UNC13C: variants seen among roughly 807,000 people sequenced by gnomAD.
UNC13C encodes unc-13 homolog C, also known as protein unc-13 homolog C.
UNC13C carries 174 observed loss-of-function variants against 245.4 expected under a neutral mutation model. That is an observed-to-expected ratio of 0.71 (90% CI 0.63 to 0.80). UNC13C has a LOEUF of 0.80. Ranked by LOEUF, UNC13C falls within the 30% of genes least tolerant of loss-of-function variation. UNC13C has a pLI of 0.00. For synonymous variants in UNC13C, 992 were observed against 895.1 expected (o/e 1.11, Z -1.93); for missense variants, 2,829 against 2,602.9 (o/e 1.09, Z -1.89).
At chr15:54,282,430 T>C (rs1477892667) in intron 10 of UNC13C, among the ~76,000 whole-genome samples, 1 of 152,104 alleles carries the variant, frequency 6.6e-6, no homozygotes, top group African/African-American at 2.4e-5. Context: ...GCGTGGGATA[T>C]AGCCAGCTGC....
the UNC13C span, among the ~76,000 whole-genome samples, chr15:53,945,313 T>C: frequency 3.9e-5 from 6 of 152,220 alleles, no homozygotes; most frequent in Non-Finnish European, 7.3e-5. Flanking sequence ...CATGGAATCT[T>C]TGCCAGTTCC....
intron 2 of UNC13C, among the ~76,000 whole-genome samples, chr15:54,116,847 G>T (rs1483806521): frequency 6.6e-6 from 1 of 152,052 alleles, no homozygotes; most frequent in African/African-American, 2.4e-5. Flanking sequence ...AGGAACCTCC[G>T]TATAGTTTTC....
chr15:53,923,307 G>T, the UNC13C span, among the ~76,000 whole-genome samples: 1 of 152,300 alleles, frequency 6.6e-6, no homozygotes, highest in African/African-American at 2.4e-5. Flanking sequence ...CCAGACTACT[G>T]CCTGGCATAT....
At chr15:54,033,343 C>G (rs1346281742) in intron 2 of UNC13C, among the ~76,000 whole-genome samples, 1 of 152,102 alleles carries the variant, frequency 6.6e-6, no homozygotes, top group African/African-American at 2.4e-5. Context: ...TAGAGAAACA[C>G]TGTTACTTTG....
At chr15:53,970,085 T>C in the UNC13C span, among the ~76,000 whole-genome samples, 1 of 151,852 alleles carries the variant, frequency 6.6e-6, no homozygotes, top group Non-Finnish European at 1.5e-5. Flanking sequence ...AGTTTCACTC[T>C]TGTTGCCCAG....
chr15:54,039,596 T>G (rs1479048376), intron 2 of UNC13C, among the ~76,000 whole-genome samples: 1 of 152,134 alleles, frequency 6.6e-6, no homozygotes, highest in Non-Finnish European at 1.5e-5. Context: ...TGGACTCTTT[T>G]TTTTCCTATT....
intron 4 of UNC13C, among the ~76,000 whole-genome samples, chr15:54,196,666 T>G (rs539867564): frequency 6.6e-6 from 1 of 152,304 alleles, no homozygotes; most frequent in South Asian, 2.1e-4. Context: ...CAAGTTTAAC[T>G]TGACTTGCAG....
chr15:54,050,522 C>G (rs1373340058), intron 2 of UNC13C: 1 of 492,500 alleles, frequency 2.0e-6, no homozygotes, highest in Admixed American at 2.3e-5. Context: ...GTAACTAATG[C>G]TGTTGCTTCA....
intron 30 of UNC13C, among the ~76,000 whole-genome samples, chr15:54,615,287 C>T (rs2553221): frequency 0.77 from 117,630 of 152,010 alleles, 46,365 homozygotes; most frequent in African/African-American, 0.94. Context: ...TATTGTACTA[C>T]CAAAAAGAGG....
chr15:54,240,981 A>C (rs1264714656), intron 7 of UNC13C, among the ~76,000 whole-genome samples: 2 of 152,196 alleles, frequency 1.3e-5, no homozygotes, highest in East Asian at 3.9e-4. Flanking sequence ...CGAACAACTC[A>C]GCCAAAAATC....
At chr15:54,193,921 A>G (rs1027264089) in intron 4 of UNC13C, among the ~76,000 whole-genome samples, 2 of 152,188 alleles carry the variant, frequency 1.3e-5, no homozygotes, top group African/African-American at 4.8e-5. Flanking sequence ...ATCTGGAGCT[A>G]CGAAGGTTCT....
At chr15:54,441,477 C>T (rs1222780598) in intron 19 of UNC13C, among the ~76,000 whole-genome samples, 2 of 151,844 alleles carry the variant, frequency 1.3e-5, no homozygotes, top group Non-Finnish European at 2.9e-5. Flanking sequence ...TCAGTAGGCA[C>T]CCTTATCAAA....
Position 54,143,620 on chromosome 15 carries a change from G to C in UNC13C, c.3007G>C (p.Ala1003Pro), listed in dbSNP as rs1404965493. Residue 1003 changes from alanine (A) to proline (P), a missense_variant and splice_region_variant, in exon 4 of 33, where the codon GCT (alanine) becomes CCT (proline). Ala to Pro is a conservative substitution (Grantham distance 27). Transcript: ENST00000260323. ...AGDSSSVDEKARIVSGNDLDA... is the reference protein window; with the variant it reads ...AGDSSSVDEKPRIVSGNDLDA... Reference sequence around the variant, plus strand: ...GTTTTTCTCTTACTCTTCATTTAAGGCTCGAATAGTAAGTGGCAATGATTT... The same window carrying C: ...GTTTTTCTCTTACTCTTCATTTAAGCCTCGAATAGTAAGTGGCAATGATTT... 2 of 1,612,550 alleles carry C rather than the reference G, an allele frequency of 1.2e-6. No homozygotes were observed. Among genetic ancestry groups the C allele is most frequent in the South Asian group, 1.1e-5 (1 of 90,978 alleles).
chr15:54,403,512 A>G (rs1048987635), intron 18 of UNC13C, among the ~76,000 whole-genome samples: 2 of 152,112 alleles, frequency 1.3e-5, no homozygotes, highest in East Asian at 1.9e-4. Flanking sequence ...TCTTGAGGCC[A>G]GGAGTTTGAG....
intron 2 of UNC13C, among the ~76,000 whole-genome samples, chr15:54,075,432 CGGA>C (rs1898549353): frequency 1.7e-5 from 1 of 58,096 alleles, no homozygotes; most frequent in Non-Finnish European, 3.3e-5. Flanking sequence ...TGCAGTGAGC[CGGA>C]GCTTGCAGTG....
chr15:54,127,837 C>T (rs1486289269), intron 2 of UNC13C, among the ~76,000 whole-genome samples: 17 of 148,330 alleles, frequency 1.1e-4, no homozygotes, highest in South Asian at 6.3e-4. Context: ...TTGAACCTTC[C>T]TCCTTGGGAA....
intron 17 of UNC13C, among the ~76,000 whole-genome samples, chr15:54,346,229 A>C (rs1197290060): frequency 1.3e-5 from 2 of 151,130 alleles, no homozygotes; most frequent in Admixed American, 6.7e-5. Context: ...ATCTAATAAA[A>C]ATAACATTTA....
intron 8 of UNC13C, 34 bp from the exon 9 acceptor site, chr15:54,264,134 T>C (rs76795278): frequency 0.026 from 39,865 of 1,545,996 alleles, 658 homozygotes; most frequent in Non-Finnish European, 0.028. Flanking sequence ...TAATGGCATT[T>C]CCATTCACAT....
intron 19 of UNC13C, among the ~76,000 whole-genome samples, chr15:54,483,609 C>T (rs1016863209): frequency 1.3e-5 from 2 of 152,154 alleles, no homozygotes; most frequent in African/African-American, 4.8e-5. Context: ...CATTCACCTG[C>T]CTCAGCCTCC....
Sources: allele counts gnomAD v4.1 joint callset (sites outside exome capture counted in the v4.1 genomes callset), GRCh38; gene constraint gnomAD v4.1.1; transcripts MANE v1.5; gene names NCBI Gene and HGNC (gene_info 2026-07-23, HGNC 2026-07-21).